IQANK1: variants seen among roughly 807,000 people sequenced by gnomAD.
IQANK1 encodes the protein IQ motif and ankyrin repeat domain-containing protein 1.
Under a neutral mutation model 22.6 loss-of-function variants are expected in IQANK1, and 30 were observed. The observed-to-expected ratio is 1.33, with a 90% CI of 0.99 to 1.80. The LOEUF is 1.80. IQANK1 is among the 40% of genes most tolerant of loss of function. The pLI is 0.00. For missense variants in IQANK1, 275 were observed against 235.2 expected (o/e 1.17, Z -1.11); for synonymous variants, 122 against 99.6 (o/e 1.23, Z -1.34).
At chr8:143,789,694 G>C (rs781523290) in intron 10 of IQANK1, 67 bp from the exon 11 acceptor site, 2 of 1,220,052 alleles carry the variant, frequency 1.6e-6, no homozygotes, top group Non-Finnish European at 2.0e-6. Context: ...GAGGAAGCTC[G>C]GGCAGCTGCC....
chr8:143,763,019 T>C (rs1819424094), intron 3 of IQANK1, among the ~76,000 whole-genome samples: 1 of 150,812 alleles, frequency 6.6e-6, no homozygotes, highest in Non-Finnish European at 1.5e-5. Flanking sequence ...TCTTTTCCTT[T>C]TCTTTTTCTT....
intron 3 of IQANK1, among the ~76,000 whole-genome samples, chr8:143,767,234 C>T (rs1819496304): frequency 6.6e-6 from 1 of 152,206 alleles, no homozygotes; most frequent in Non-Finnish European, 1.5e-5. Flanking sequence ...ACCTATAGCT[C>T]AATGTGCGGA....
chr8:143,749,499 TC>T (rs1819141499), intron 3 of IQANK1, among the ~76,000 whole-genome samples: 1 of 131,488 alleles, frequency 7.6e-6, no homozygotes, highest in African/African-American at 3.2e-5. Flanking sequence ...TAAATATATA[TC>T]ATATAAATAT....
chr8:143,759,077 C>T (rs1052580055), intron 3 of IQANK1: 4 of 285,988 alleles, frequency 1.4e-5, no homozygotes, highest in East Asian at 1.0e-4. Flanking sequence ...TGCATTTGGC[C>T]GGACATGACT....
intron 2 of IQANK1, among the ~76,000 whole-genome samples, 190 bp downstream of exon 2, chr8:143,736,128 T>C (rs540741235): frequency 1.3e-5 from 2 of 151,038 alleles, no homozygotes; most frequent in Non-Finnish European, 2.9e-5. Context: ...TCTCAGACCT[T>C]GAGCCTGAAT....
chr8:143,749,321 TA>T (rs1438972374), intron 3 of IQANK1, among the ~76,000 whole-genome samples: 75 of 88,898 alleles, frequency 8.4e-4, no homozygotes, highest in African/African-American at 2.6e-3. Context: ...AAAATATATA[TA>T]AAAATATATA....
At chr8:143,776,765 A>G (rs1819693731) in intron 7 of IQANK1, among the ~76,000 whole-genome samples, 1 of 152,130 alleles carries the variant, frequency 6.6e-6, no homozygotes, top group Non-Finnish European at 1.5e-5. Flanking sequence ...TGTAGCTAAT[A>G]AGGCAGTTGA....
Position 143,756,598 on chromosome 8 carries a change from A to G in IQANK1, c.176-14890A>G, listed in dbSNP as rs1372632023. On this transcript the variant is annotated intron_variant, in intron 3 of 13. Coordinates refer to ENST00000527139, the MANE Select transcript of IQANK1 (RefSeq NM_001381874.1). The stretch of plus-strand genomic sequence containing the variant: ...CTGGTGCCATCGGTTCATGATGACT[A>G]TCCCAAATGGTGTAGTTATTGGGTG... 2.6e-5 allele frequency among the ~76,000 whole-genome samples: 4 copies of G among 152,172 alleles called. No individual in the cohort carries two copies. In the South Asian group the frequency reaches 6.2e-4, roughly 24 times the overall value.
chr8:143,783,005 T>C (rs1002356204), intron 7 of IQANK1, among the ~76,000 whole-genome samples: 1 of 152,264 alleles, frequency 6.6e-6, no homozygotes, highest in Non-Finnish European at 1.5e-5. Flanking sequence ...TGCCTGTAGC[T>C]AAAGTTCATT....
chr8:143,743,894 C>G (rs1554626948), intron 3 of IQANK1: 1 of 426,834 alleles, frequency 2.3e-6, no homozygotes. Context: ...CTGGAGTGCA[C>G]TGGGGCTTGG....
At chr8:143,743,954 C>T (rs1818976486) in intron 3 of IQANK1, 1 of 375,136 alleles carries the variant, frequency 2.7e-6, no homozygotes, top group African/African-American at 2.2e-5. Context: ...CTGCCTCAGC[C>T]TCCTGAGTAG....
At chr8:143,741,794 C>T (rs55699560) in intron 3 of IQANK1, 2 of 154,342 alleles carry the variant, frequency 1.3e-5, no homozygotes, top group African/African-American at 4.8e-5. Context: ...TTTTTGCACT[C>T]GAGGCTATTC....
chr8:143,748,401 GT>G (rs1231384172), intron 3 of IQANK1, among the ~76,000 whole-genome samples: 2 of 147,174 alleles, frequency 1.4e-5, no homozygotes, highest in Non-Finnish European at 3.0e-5. Context: ...TCTCCCTTCA[GT>G]CCATTGTGTT....
At chr8:143,753,091 C>T (rs143400865) in intron 3 of IQANK1, among the ~76,000 whole-genome samples, 15 of 142,184 alleles carry the variant, frequency 1.1e-4, no homozygotes, top group African/African-American at 3.9e-4. Flanking sequence ...GCAACCTTGA[C>T]CTCCTGGGCT....
chr8:143,775,787 T>TACAC (rs35665050), intron 7 of IQANK1, among the ~76,000 whole-genome samples: 5,542 of 129,426 alleles, frequency 0.043, 133 homozygotes, highest in African/African-American at 0.062. Flanking sequence ...ATAGCTGTAT[T>TACAC]ACACACACAC....
intron 7 of IQANK1, among the ~76,000 whole-genome samples, chr8:143,788,276 TCTTC>T (rs1819932216): frequency 1.3e-5 from 2 of 152,362 alleles, no homozygotes; most frequent in East Asian, 1.9e-4. Context: ...GAGCTCCTGC[TCTTC>T]CTTCCTCCTC....
chr8:143,789,115 C>T (rs1819956625), intron 8 of IQANK1, 52 bp downstream of exon 8: 2 of 401,618 alleles, frequency 5.0e-6, no homozygotes, highest in Non-Finnish European at 8.8e-6. Flanking sequence ...GGGGCGCTGG[C>T]AGGGAGCCCG....
chr8:143,775,280 A>G lies in IQANK1; in HGVS notation c.789+2798A>G, dbSNP rs1359707043. 2.0e-5 allele frequency among the ~76,000 whole-genome samples: 3 copies of G among 152,008 alleles called. No homozygotes were observed. In the East Asian group the frequency reaches 5.8e-4, roughly 29 times the overall value. ...GGAACTCTACTATTTTTGTAACTTC[A>G]TGTAAATCAAAATAAAAATTCAAAA... On this transcript the variant is annotated intron_variant, in intron 7 of 13. Coordinates refer to ENST00000527139, the MANE Select transcript of IQANK1 (RefSeq NM_001381874.1).
intron 3 of IQANK1, among the ~76,000 whole-genome samples, chr8:143,740,327 C>T (rs893072144): frequency 6.6e-6 from 1 of 152,158 alleles, no homozygotes; most frequent in East Asian, 1.9e-4. Flanking sequence ...TGGCAGGAAA[C>T]GGGGCCCTGC....
Sources: allele counts gnomAD v4.1 joint callset (sites outside exome capture counted in the v4.1 genomes callset), GRCh38; gene constraint gnomAD v4.1.1; transcripts MANE v1.5; gene names NCBI Gene and HGNC (gene_info 2026-07-23, HGNC 2026-07-21).